PIAS1: variants seen among roughly 807,000 people sequenced by gnomAD.
The protein encoded by PIAS1 is protein inhibitor of activated STAT 1, also known as E3 SUMO-protein ligase PIAS1.
A neutral mutation model predicts 71.3 loss-of-function variants in PIAS1; 6 were observed. That is an observed-to-expected ratio of 0.08 (90% CI 0.05 to 0.17). The LOEUF (loss-of-function observed/expected upper bound fraction) is 0.17, where lower values mean the gene tolerates loss of function less well. PIAS1 is among the 10% of genes least tolerant of loss of function. PIAS1 has a pLI of 1.00. For synonymous variants in PIAS1, 303 were observed against 292.9 expected (o/e 1.03, Z -0.35); for missense variants, 555 against 793.6 (o/e 0.70, Z 3.61).
At chr15:68,141,720 A>G (rs762376401) in intron 2 of PIAS1, among the ~76,000 whole-genome samples, 2 of 152,060 alleles carry the variant, frequency 1.3e-5, no homozygotes, top group Non-Finnish European at 2.9e-5. Flanking sequence ...GTATTGTCTG[A>G]ATTTGAATCC....
rs114920620 is a variant in PIAS1, at chr15:68,150,468, C to T, written c.829-3122C>T. On this transcript the variant is annotated intron_variant, in intron 6 of 13. Transcript: ENST00000249636. ...TTTTTAAATTACTGTTTTAATTCAG[C>T]TTGTGAAGATATTCTGAATAGTTCA... is the stretch of plus-strand genomic sequence containing the variant. Among the ~76,000 whole-genome samples the T allele has an allele frequency of 6.1e-3, 936 of 152,236 alleles. 10 individuals are homozygous for T. The highest frequency in any genetic ancestry group is 0.021 in the African/African-American group (891 of 41,542).
In PIAS1 at chr15:68,075,783, CT is replaced by C. The variant is rs71287007; in HGVS notation, c.25-10507del. Among the ~76,000 whole-genome samples the C allele has an allele frequency of 9.5e-3, 1,273 of 134,048 alleles. 6 individuals are homozygous for C. The highest frequency in any genetic ancestry group is 0.027 in the African/African-American group (966 of 35,750). 87.9% of individuals were successfully genotyped at this position (134,048 alleles called of 152,430 possible). A position where few individuals can be genotyped will look rare whatever the true frequency, so the allele number is the denominator to read the frequency against. On this transcript the variant is annotated intron_variant, in intron 1 of 13. Coordinates refer to ENST00000249636, the MANE Select transcript of PIAS1 (RefSeq NM_016166.3). ...AGTTTGTAAGGAATCATTCCTAGGG[CT>C]TTTTTTTTTTTTTTTAAGATGGAGT...
intron 2 of PIAS1, among the ~76,000 whole-genome samples, chr15:68,132,125 A>T (rs1222715938): frequency 6.6e-6 from 1 of 151,926 alleles, no homozygotes; most frequent in South Asian, 2.1e-4. Flanking sequence ...AATTATTCCC[A>T]GTGGGGGCTA....
At chr15:68,129,129 A>C (rs927272517) in intron 2 of PIAS1, among the ~76,000 whole-genome samples, 1 of 152,064 alleles carries the variant, frequency 6.6e-6, no homozygotes, top group Non-Finnish European at 1.5e-5. Context: ...TGGTACGATC[A>C]TTTTTCACTG....
chr15:68,127,425 C>T (rs1447574403), intron 2 of PIAS1, among the ~76,000 whole-genome samples: 1 of 152,170 alleles, frequency 6.6e-6, no homozygotes, highest in African/African-American at 2.4e-5. Context: ...TAGCTATATT[C>T]TGTTAGCCCC....
At chr15:68,150,093 A>G (rs551564228) in intron 6 of PIAS1, among the ~76,000 whole-genome samples, 2 of 152,110 alleles carry the variant, frequency 1.3e-5, no homozygotes, top group East Asian at 3.9e-4. Context: ...CCTTTAACTC[A>G]TATGTCACCA....
intron 12 of PIAS1, chr15:68,181,677 A>AT (rs917968580): frequency 3.5e-4 from 67 of 191,000 alleles, no homozygotes; most frequent in East Asian, 9.4e-4. Context: ...TATGAACATT[A>AT]TTTTTTTTTG....
In PIAS1 at chr15:68,142,309, T is replaced by G. The variant is rs2092776238; in HGVS notation, c.574T>G (p.Cys192Gly). 6.2e-7 allele frequency: 1 copy of G among 1,606,250 alleles called. No homozygotes were observed. Among genetic ancestry groups the G allele is most frequent in the Non-Finnish European group, 8.5e-7 (1 of 1,173,386 alleles). ...SSSMDISGTKCDFTVQVQLRF... is the reference protein window; with the variant it reads ...SSSMDISGTKGDFTVQVQLRF... The stretch of plus-strand genomic sequence containing the variant: ...TTCTAGGGATATTTCTGGGACCAAA[T>G]GTGACTTCACAGTACAGGTCCAGTT... The change falls in exon 4 of 14, where the codon TGT becomes GGT. Residue 192 changes from cysteine to glycine, a missense_variant. This residue lies in a region of PIAS1 where 134 missense variants were observed against 203.4 expected (regional missense o/e 0.66). Coordinates refer to ENST00000249636, the MANE Select transcript of PIAS1 (RefSeq NM_016166.3).
chr15:68,089,704 G>A (rs990469461), intron 2 of PIAS1, among the ~76,000 whole-genome samples: 4 of 151,610 alleles, frequency 2.6e-5, no homozygotes, highest in Admixed American at 2.6e-4. Flanking sequence ...TTACAGGCAC[G>A]TGCCACCATG....
chr15:68,099,259 C>CTT (rs554957140), intron 2 of PIAS1, among the ~76,000 whole-genome samples: 15 of 132,664 alleles, frequency 1.1e-4, no homozygotes, highest in Admixed American at 4.5e-4. Context: ...ATATATATTT[C>CTT]TTTTTTTTTT....
intron 2 of PIAS1, among the ~76,000 whole-genome samples, chr15:68,107,837 A>G (rs1044937664): frequency 2.0e-5 from 3 of 152,110 alleles, no homozygotes; most frequent in African/African-American, 4.8e-5. Context: ...TTGTTCCTAT[A>G]TATACCACCA....
At chr15:68,145,940 G>T in intron 5 of PIAS1, 34 bp downstream of exon 5, 1 of 1,185,440 alleles carries the variant, frequency 8.4e-7, no homozygotes, top group Non-Finnish European at 1.3e-6. Context: ...AAAATTCATT[G>T]CCAACATAAC....
chr15:68,112,684 A>G (rs1407541797), intron 2 of PIAS1, among the ~76,000 whole-genome samples: 1 of 152,192 alleles, frequency 6.6e-6, no homozygotes, highest in Non-Finnish European at 1.5e-5. Context: ...AGACAATAAG[A>G]TGTTTCTTAT....
chr15:68,057,663 C>T, intron 1 of PIAS1: 1 of 245,186 alleles, frequency 4.1e-6, no homozygotes, highest in Non-Finnish European at 8.1e-6. Context: ...TGTAATTTGT[C>T]TGCTTTTATT....
chr15:68,180,087 A>G (rs1341664728), intron 11 of PIAS1, among the ~76,000 whole-genome samples: 1 of 151,632 alleles, frequency 6.6e-6, no homozygotes, highest in African/African-American at 2.4e-5. Flanking sequence ...TTTCTTTTCA[A>G]AATTAGCTTT....
rs115975200 is a variant in PIAS1, at chr15:68,069,830, C to T, written c.24+15480C>T. 5.1e-3 allele frequency among the ~76,000 whole-genome samples: 759 copies of T among 149,540 alleles called. 6 individuals carry two copies. Among genetic ancestry groups the T allele is most frequent in the African/African-American group, 0.018 (732 of 40,804 alleles). ...AAAAAAAAAAAAAAAAAAGAAATTACATTCTAGTACTCCTGTAACTATATG... is the reference window on the plus strand; with the variant it reads ...AAAAAAAAAAAAAAAAAAGAAATTATATTCTAGTACTCCTGTAACTATATG... On this transcript the variant is annotated intron_variant, in intron 1 of 13. Transcript: ENST00000249636.
At position 68,141,974 on chromosome 15, in the gene PIAS1, A is replaced by T. The variant is rs776072015; in HGVS notation, c.498A>T (p.Glu166Asp). 6.2e-7 allele frequency: 1 copy of T among 1,605,278 alleles called. No homozygotes were observed. Among genetic ancestry groups the T allele is most frequent in the South Asian group, 1.1e-5 (1 of 89,420 alleles). ...LASDNSQRFR[E>D]TCFAFALTPQ... ...CAGACAACAGTCAGCGCTTTCGAGAAACCTGTTTTGCATTTGCCTTGACAC... is the reference window on the plus strand; with the variant it reads ...CAGACAACAGTCAGCGCTTTCGAGATACCTGTTTTGCATTTGCCTTGACAC... The change falls in exon 3 of 14, where the codon GAA becomes GAT. Residue 166 changes from glutamate (E) to aspartate (D), a missense_variant. By Grantham distance (45) the Glu-to-Asp change is conservative. Coordinates refer to ENST00000249636, the MANE Select transcript of PIAS1 (RefSeq NM_016166.3).
At chr15:68,111,599 T>G (rs947656076) in intron 2 of PIAS1, among the ~76,000 whole-genome samples, 4 of 152,176 alleles carry the variant, frequency 2.6e-5, no homozygotes, top group Non-Finnish European at 4.4e-5. Flanking sequence ...GGTTTAAAGA[T>G]TTAAATGCTT....
chr15:68,091,504 G>C (rs1028048228), intron 2 of PIAS1, among the ~76,000 whole-genome samples: 7 of 151,938 alleles, frequency 4.6e-5, no homozygotes, highest in African/African-American at 1.7e-4. Flanking sequence ...CTTGACTCAG[G>C]TAAATTTTCA....
Sources: allele counts gnomAD v4.1 joint callset (sites outside exome capture counted in the v4.1 genomes callset), GRCh38; gene constraint gnomAD v4.1.1; regional missense constraint gnomAD v4.1.1; transcripts MANE v1.5; gene names NCBI Gene and HGNC (gene_info 2026-07-23, HGNC 2026-07-21).